NSD2: variants seen among roughly 807,000 people sequenced by gnomAD.
The protein encoded by NSD2 is nuclear receptor binding SET domain protein 2.
In NSD2, 12 loss-of-function variants were observed where a neutral mutation model predicts 139.0. The observed-to-expected ratio is 0.09, with a 90% confidence interval of 0.06 to 0.14. The LOEUF (loss-of-function observed/expected upper bound fraction) is 0.14, where lower values mean the gene tolerates loss of function less well. Ranked by LOEUF, NSD2 falls within the 10% of genes least tolerant of loss-of-function variation. NSD2 has a pLI of 1.00. For synonymous variants in NSD2, 669 were observed against 648.7 expected, an observed-to-expected ratio of 1.03 and a Z score of -0.48; for missense variants, 1,155 against 1,745.0, an observed-to-expected ratio of 0.66 and a Z score of 6.02.
chr4:1,946,791 A>G (rs947227806), intron 9 of NSD2: 16 of 1,053,494 alleles, frequency 1.5e-5, no homozygotes, highest in Non-Finnish European at 1.8e-5. Context: ...AGCAAGGAGC[A>G]TGCTTCCTTT....
At chr4:1,881,998 T>G (rs1037856693) in intron 1 of NSD2, among the ~76,000 whole-genome samples, 1 of 152,176 alleles carries the variant, frequency 6.6e-6, no homozygotes, top group Non-Finnish European at 1.5e-5. Flanking sequence ...CAAGTTCTTT[T>G]AGGTCCTGTT....
intron 5 of NSD2, among the ~76,000 whole-genome samples, chr4:1,921,897 C>G (rs1159263188): frequency 6.6e-6 from 1 of 151,946 alleles, no homozygotes; most frequent in Admixed American, 6.6e-5. Flanking sequence ...GCCTGTAATC[C>G]CAACACTTTG....
At chr4:1,951,248 T>C in intron 10 of NSD2, 45 bp downstream of exon 10, 6 of 1,611,880 alleles carry the variant, frequency 3.7e-6, no homozygotes, top group Non-Finnish European at 5.1e-6. Context: ...GGTGTCTGAC[T>C]GGGGCCCCGG....
intron 2 of NSD2, among the ~76,000 whole-genome samples, chr4:1,902,022 C>T (rs1352342083): frequency 6.6e-6 from 1 of 152,092 alleles, no homozygotes; most frequent in Non-Finnish European, 1.5e-5. Flanking sequence ...AACCAAGGGG[C>T]CATGGCTTTG....
intron 2 of NSD2, among the ~76,000 whole-genome samples, chr4:1,901,697 G>A (rs1224251133): frequency 6.6e-6 from 1 of 152,184 alleles, no homozygotes; most frequent in African/African-American, 2.4e-5. Flanking sequence ...TGATGAGTGG[G>A]AAGCAGAGCT....
At chr4:1,970,195 C>G (rs1055173751) in intron 18 of NSD2, among the ~76,000 whole-genome samples, 3 of 152,142 alleles carry the variant, frequency 2.0e-5, no homozygotes, top group African/African-American at 4.8e-5. Context: ...TGGACGCAAC[C>G]AAGAATCCTG....
At chr4:1,885,129 TAAAAA>T (rs1179922453) in intron 1 of NSD2, among the ~76,000 whole-genome samples, 19 of 150,526 alleles carry the variant, frequency 1.3e-4, no homozygotes, top group Non-Finnish European at 7.4e-5. Context: ...AAAATAAAAA[TAAAAA>T]AAATAAAATT....
chr4:1,884,259 C>G (rs560679552), intron 1 of NSD2, among the ~76,000 whole-genome samples: 22 of 152,088 alleles, frequency 1.4e-4, no homozygotes, highest in African/African-American at 5.1e-4. Flanking sequence ...CTGTGCCTGG[C>G]TAATTTTTGT....
chr4:1,978,437 G>A (rs903111447), intron 21 of NSD2, among the ~76,000 whole-genome samples: 1 of 152,172 alleles, frequency 6.6e-6, no homozygotes, highest in East Asian at 1.9e-4. Context: ...TAGGGGCCTG[G>A]CAGGTACTGT....
intron 1 of NSD2, among the ~76,000 whole-genome samples, chr4:1,899,800 T>A (rs1326174304): frequency 6.6e-6 from 1 of 152,222 alleles, no homozygotes; most frequent in Non-Finnish European, 1.5e-5. Context: ...CTGGCCAGTG[T>A]GGTGCACTGG....
intron 6 of NSD2, among the ~76,000 whole-genome samples, chr4:1,931,926 C>T (rs1656662986): frequency 6.6e-6 from 1 of 152,190 alleles, no homozygotes; most frequent in South Asian, 2.1e-4. Flanking sequence ...AAGCCAGATT[C>T]AGCTTACCCT....
At chr4:1,957,040 C>T (rs1420787642) in intron 15 of NSD2, among the ~76,000 whole-genome samples, 1 of 152,168 alleles carries the variant, frequency 6.6e-6, no homozygotes, top group East Asian at 1.9e-4. Context: ...GTGTTTGCTG[C>T]GACTGTCGGC....
At position 1,942,221 on chromosome 4, in the gene NSD2, A is replaced by G; in HGVS notation, c.1881+2443A>G. ...CTGAGGAAGAGAATAAATTAAAATT[A>G]CACACTTGCATGACAAAGGCCTGTG... On this transcript the variant is annotated intron_variant, in intron 9 of 21. Transcript: ENST00000508803. The surrounding 1 kb of genome is among the most constrained non-coding windows in gnomAD (Gnocchi z 4.0). The G allele has an allele frequency of 6.6e-7, 1 of 1,504,322 alleles. No individual in the cohort carries two copies. The highest frequency in any genetic ancestry group is 1.4e-5 in the South Asian group (1 of 72,582). 93.2% of individuals were successfully genotyped at this position (1,504,322 alleles called of 1,614,324 possible).
At chr4:1,891,539 T>C (rs1173614400) in intron 1 of NSD2, among the ~76,000 whole-genome samples, 1 of 152,042 alleles carries the variant, frequency 6.6e-6, no homozygotes, top group Non-Finnish European at 1.5e-5. Flanking sequence ...CAGTGAGGCC[T>C]ACTGTGTCTG....
chr4:1,872,591 T>TGTGTGTGTGAGAGAGAGAGAGA (rs1281608141), intron 1 of NSD2, among the ~76,000 whole-genome samples: 6 of 44,892 alleles, frequency 1.3e-4, no homozygotes, highest in East Asian at 2.5e-3. Context: ...TGTGTGTGTG[T>TGTGTGTGTGAGAGAGAGAGAGA]GAGAGAGAGA....
rs1560762450 is a variant in NSD2 at position 1,956,772 on chromosome 4, G to A, written c.2881+584G>A. ...AGAATGAGGCCAGTAGAGAAAACCC[G>A]AGGTGTGTGCATGTGGCTCGTTCAG... On this transcript the variant is annotated intron_variant, in intron 15 of 21. Transcript: ENST00000508803. This position sits in a 1 kb window ranked among gnomAD's most constrained non-coding sequence, Gnocchi z 5.3. Among the ~76,000 whole-genome samples the A allele has an allele frequency of 6.6e-6, 1 of 152,222 alleles. No individual in the cohort carries two copies. Among genetic ancestry groups the A allele is most frequent in the African/African-American group, 2.4e-5 (1 of 41,452 alleles).
At chr4:1,894,483 G>T (rs1250777792) in intron 1 of NSD2, among the ~76,000 whole-genome samples, 2 of 151,938 alleles carry the variant, frequency 1.3e-5, no homozygotes, top group Non-Finnish European at 2.9e-5. Context: ...GACCAGCCTG[G>T]GCAATGTGGT....
At chr4:1,887,439 C>T (rs1391469191) in intron 1 of NSD2, 1 of 152,134 alleles carries the variant, frequency 6.6e-6, no homozygotes, top group Non-Finnish European at 1.5e-5. Context: ...GGAAACAGAC[C>T]TTCATCTCTT....
chr4:1,912,948 G>A (rs1188504798), intron 3 of NSD2, among the ~76,000 whole-genome samples: 1 of 152,156 alleles, frequency 6.6e-6, no homozygotes, highest in Non-Finnish European at 1.5e-5. Flanking sequence ...TGAAGGCACA[G>A]GCTGTTCCAG....
Sources: allele counts gnomAD v4.1 joint callset (sites outside exome capture counted in the v4.1 genomes callset), GRCh38; gene constraint gnomAD v4.1.1; non-coding constraint Gnocchi (gnomAD v3.1); transcripts MANE v1.5; gene names NCBI Gene and HGNC (gene_info 2026-07-23, HGNC 2026-07-21).